CFAP53: variants seen among roughly 807,000 people sequenced by gnomAD.
The protein encoded by CFAP53 is cilia and flagella associated protein 53, also known as cilia- and flagella-associated protein 53.
Under a neutral mutation model 59.7 loss-of-function variants are expected in CFAP53, and 62 were observed. That is an observed-to-expected ratio of 1.04 (90% confidence interval 0.85 to 1.28). The LOEUF is 1.28. Among genes scored for constraint, CFAP53 ranks in the 50% most tolerant of loss-of-function variants. The pLI, the probability that CFAP53 is intolerant of heterozygous loss-of-function variation, is 0.00. For missense variants in CFAP53, 629 were observed against 615.6 expected, an observed-to-expected ratio of 1.02 and a Z score of -0.23; for synonymous variants, 218 against 205.7, an observed-to-expected ratio of 1.06 and a Z score of -0.51.
At chr18:50,257,936 A>G (rs1568158844) in intron 3 of CFAP53, among the ~76,000 whole-genome samples, 1 of 152,170 alleles carries the variant, frequency 6.6e-6, no homozygotes, top group Non-Finnish European at 1.5e-5. Context: ...AGGCTGAGGC[A>G]GGAGAACTGC....
chr18:50,239,093 A>T (rs547435411), intron 6 of CFAP53, among the ~76,000 whole-genome samples: 321 of 149,622 alleles, frequency 2.1e-3, no homozygotes, highest in African/African-American at 7.5e-3. Flanking sequence ...TTATTTAAAT[A>T]TATAAAGCTC....
At chr18:50,245,962 C>T (rs980208954) in intron 5 of CFAP53, among the ~76,000 whole-genome samples, 7 of 152,150 alleles carry the variant, frequency 4.6e-5, no homozygotes, top group African/African-American at 1.7e-4. Context: ...ACGATCTCAG[C>T]TCACTGCAAC....
intron 3 of CFAP53, among the ~76,000 whole-genome samples, chr18:50,259,439 C>T (rs2033871724): frequency 6.7e-6 from 1 of 148,234 alleles, no homozygotes; most frequent in African/African-American, 2.5e-5. Flanking sequence ...AGGATGGTTA[C>T]CAGAGGCTGG....
In CFAP53 at chr18:50,242,932, A is replaced by G. The variant is rs1477285236; in HGVS notation, c.1181T>C (p.Met394Thr). 1.2e-6 allele frequency: 2 copies of G among 1,613,820 alleles called. No individual in the cohort carries two copies. The highest frequency in any genetic ancestry group is 1.7e-6 in the Non-Finnish European group (2 of 1,180,000). Residue 394 changes from methionine to threonine, a missense_variant, in exon 6 of 8, where the codon ATG becomes ACG. By Grantham distance (81) the Met-to-Thr change is moderately conservative (BLOSUM62 -1). Coordinates refer to ENST00000398545, the MANE Select transcript of CFAP53 (RefSeq NM_145020.5). ...EARRQLVDEVMCTRKLQVQEK... is the reference protein window; with the variant it reads ...EARRQLVDEVTCTRKLQVQEK... ...TTGAACTTGAAGTTTTCTTGTACACATGACCTCATCCACAAGCTGTCTCCT... is the reference window on the plus strand; with the variant it reads ...TTGAACTTGAAGTTTTCTTGTACACGTGACCTCATCCACAAGCTGTCTCCT...
intron 6 of CFAP53, 53 bp from the exon 7 acceptor site, chr18:50,238,758 C>A: frequency 1.5e-6 from 2 of 1,324,042 alleles, no homozygotes; most frequent in South Asian, 2.4e-5. Context: ...CAAGAATTGC[C>A]AACATCTTTC....
At chr18:50,257,365 GA>G (rs1354762811) in intron 3 of CFAP53, among the ~76,000 whole-genome samples, 4 of 152,136 alleles carry the variant, frequency 2.6e-5, no homozygotes, top group African/African-American at 9.7e-5. Flanking sequence ...CTTATATTTG[GA>G]AAAATCTAGA....
chr18:50,242,339 A>G (rs1729258001), intron 6 of CFAP53, among the ~76,000 whole-genome samples: 1 of 152,230 alleles, frequency 6.6e-6, no homozygotes. Flanking sequence ...CAGGCATAAG[A>G]AATTATAAAA....
intron 6 of CFAP53, among the ~76,000 whole-genome samples, chr18:50,241,697 A>G (rs993629827): frequency 6.6e-6 from 1 of 152,088 alleles, no homozygotes; most frequent in African/African-American, 2.4e-5. Flanking sequence ...GGATTTTGAA[A>G]GGGGAGGGGG....
intron 5 of CFAP53, among the ~76,000 whole-genome samples, chr18:50,244,414 A>G (rs866412249): frequency 2.0e-5 from 3 of 152,118 alleles, no homozygotes; most frequent in African/African-American, 4.8e-5. Flanking sequence ...CTGTGATTTT[A>G]AGTTTCCTGA....
In CFAP53 at chr18:50,266,341, TC is replaced by T; in HGVS notation, c.63del (p.Ile22SerfsTer2). The T allele has an allele frequency of 6.2e-7, 1 of 1,614,226 alleles. No individual in the cohort carries two copies. Among genetic ancestry groups the T allele is most frequent in the Non-Finnish European group, 8.5e-7 (1 of 1,180,006 alleles). ...REVKGPTPKV[V>X]IVRSKPPKGQ... is the part of the protein sequence containing the mutation. ...CAGACATATCCTGTGCTTACCACGATCACCACTTTGGGGGTGGGGCCCTTAA... is the reference window on the plus strand; with the variant it reads ...CAGACATATCCTGTGCTTACCACGATACCACTTTGGGGGTGGGGCCCTTAA... On this transcript the variant is annotated frameshift_variant, in exon 1 of 8. Coordinates refer to ENST00000398545, the MANE Select transcript of CFAP53 (RefSeq NM_145020.5). LOFTEE classifies it high-confidence loss of function.
intron 1 of CFAP53, 131 bp from the exon 2 acceptor site, chr18:50,262,350 A>C: frequency 1.5e-6 from 1 of 670,808 alleles, no homozygotes; most frequent in Non-Finnish European, 2.6e-6. Context: ...TCCTACTACA[A>C]CTGAATACAG....
intron 6 of CFAP53, 93 bp downstream of exon 6, chr18:50,242,807 T>C: frequency 9.5e-7 from 1 of 1,047,378 alleles, no homozygotes; most frequent in South Asian, 1.4e-5. Flanking sequence ...TCATGGTGTT[T>C]TACATAATAA....
At chr18:50,242,873 T>C in intron 6 of CFAP53, 27 bp downstream of exon 6, 1 of 1,569,376 alleles carries the variant, frequency 6.4e-7, no homozygotes, top group Non-Finnish European at 8.7e-7. Flanking sequence ...GGGCAAGCTA[T>C]AATATAACTG....
rs1302004582 is a variant in CFAP53, at chr18:50,233,218, G to GA, written c.1316+5384dup. Among the ~76,000 whole-genome samples the GA allele has an allele frequency of 3.9e-4, 59 of 151,662 alleles. 1 individual carries two copies. The highest frequency in any genetic ancestry group is 1.3e-4 in the Admixed American group (2 of 15,258). On this transcript the variant is annotated intron_variant, in intron 7 of 7. Coordinates refer to ENST00000398545, the MANE Select transcript of CFAP53 (RefSeq NM_145020.5). ...CATCGAAAACTCATTTAAAGTTAAA[G>GA]AAAAAAAGGTAAAAGAGGTTTTGTT...
rs961490652 is a variant in CFAP53 at position 50,251,839 on chromosome 18, A to T, written c.474-55T>A. 4 of 1,426,638 alleles carry T rather than the reference A, an allele frequency of 2.8e-6. No individual in the cohort carries two copies. In the African/African-American group the frequency reaches 5.6e-5, roughly 20 times the overall value. 88.4% of individuals were successfully genotyped at this position (1,426,638 alleles called of 1,614,324 possible). On this transcript the variant is annotated intron_variant, in intron 3 of 7. Coordinates refer to ENST00000398545, the MANE Select transcript of CFAP53 (RefSeq NM_145020.5). The stretch of plus-strand genomic sequence containing the variant: ...CCAGCCTTTCGTGAGGCACTGCTCT[A>T]TTGAGGCACACATCTGTACAATCAC...
chr18:50,230,042 C>A (rs929005423), intron 7 of CFAP53, among the ~76,000 whole-genome samples: 1 of 152,072 alleles, frequency 6.6e-6, no homozygotes, highest in South Asian at 2.1e-4. Flanking sequence ...ACAGGCATGA[C>A]CCACCATGCC....
intron 3 of CFAP53, among the ~76,000 whole-genome samples, chr18:50,253,630 G>A (rs1209441455): frequency 1.3e-5 from 2 of 152,172 alleles, no homozygotes; most frequent in East Asian, 1.9e-4. Flanking sequence ...ATATGGCAAT[G>A]AACATTACTG....
intron 7 of CFAP53, among the ~76,000 whole-genome samples, chr18:50,236,453 A>C (rs2033634418): frequency 6.6e-6 from 1 of 152,166 alleles, no homozygotes; most frequent in African/African-American, 2.4e-5. Context: ...TGGGCCTTGT[A>C]ACTACTTTTG....
At chr18:50,264,985 C>G (rs1162779890) in intron 1 of CFAP53, among the ~76,000 whole-genome samples, 1 of 152,180 alleles carries the variant, frequency 6.6e-6, no homozygotes, top group Non-Finnish European at 1.5e-5. Flanking sequence ...AAAGAAGGAG[C>G]AGGTCTATAG....
Sources: allele counts gnomAD v4.1 joint callset (sites outside exome capture counted in the v4.1 genomes callset), GRCh38; gene constraint gnomAD v4.1.1; transcripts MANE v1.5; gene names NCBI Gene and HGNC (gene_info 2026-07-23, HGNC 2026-07-21).